The following KIRREL2 variants were observed in gnomAD, a reference collection of about 807,000 sequenced individuals.
The protein encoded by KIRREL2 is kirre like nephrin family adhesion molecule 2.
KIRREL2 carries 56 observed loss-of-function variants against 73.4 expected under a neutral mutation model. The ratio of observed to expected loss-of-function variants is 0.76; its 90% CI spans 0.62 to 0.95. The LOEUF is 0.95. KIRREL2 is among the 40% of genes least tolerant of loss of function. The pLI, the probability that KIRREL2 is intolerant of heterozygous loss-of-function variation, is 0.00. For synonymous variants in KIRREL2, 407 were observed against 404.0 expected (o/e 1.01, Z -0.09); for missense variants, 896 against 935.0 (o/e 0.96, Z 0.54).
upstream of KIRREL2, chr19:35,851,480 C>T (rs959393189): frequency 9.3e-6 from 15 of 1,613,492 alleles, no homozygotes; most frequent in Non-Finnish European, 1.2e-5. Flanking sequence ...CCCTTCCAGG[C>T]GGTACCTCGG....
At chr19:35,864,804 C>A in intron 14 of KIRREL2, 91 bp downstream of exon 14, 1 of 975,878 alleles carries the variant, frequency 1.0e-6, no homozygotes, top group South Asian at 1.5e-5. Context: ...CGCCTGTCCC[C>A]TCCTTTTTCC....
upstream of KIRREL2, among the ~76,000 whole-genome samples, chr19:35,855,601 G>A (rs1388659632): frequency 2.0e-5 from 3 of 147,510 alleles, no homozygotes; most frequent in South Asian, 2.2e-4. Flanking sequence ...CCAAGGACTC[G>A]GGAATTTGGG....
intron 9 of KIRREL2, 60 bp downstream of exon 9, chr19:35,861,314 G>C (rs895459247): frequency 1.7e-5 from 25 of 1,506,072 alleles, no homozygotes; most frequent in Admixed American, 2.3e-5. Flanking sequence ...GCGGACAGAG[G>C]GGGCAAGGGC....
chr19:35,852,521 C>T (rs1190201790), upstream of KIRREL2, among the ~76,000 whole-genome samples: 3 of 152,160 alleles, frequency 2.0e-5, no homozygotes, highest in Non-Finnish European at 4.4e-5. Context: ...CAACCTCCCC[C>T]AGGTACCTTC....
In KIRREL2 at chr19:35,866,170, G is replaced by A. The variant is rs757001182; in HGVS notation, c.1805G>A (p.Gly602Asp). The A allele has an allele frequency of 3.7e-6, 6 of 1,608,510 alleles. No homozygotes were observed. Among genetic ancestry groups the A allele is most frequent in the South Asian group, 1.1e-5 (1 of 90,544 alleles). Residue 602 changes from glycine (G) to aspartate (D), a missense_variant, in exon 15 of 15, where the codon GGT becomes GAT. Gly to Asp is a moderately conservative substitution (Grantham distance 94, BLOSUM62 -1). Coordinates refer to ENST00000360202, the MANE Select transcript of KIRREL2 (RefSeq NM_199180.4). ...GTLETKDPTNGYYKVRGVSVS... is the reference protein window; with the variant it reads ...GTLETKDPTNDYYKVRGVSVS... ...TTGTCCCCTCAGGACCCAACCAACG[G>A]TTACTACAAGGTCCGAGGAGTCAGT...
Position 35,858,524 on chromosome 19 carries a change from C to G in KIRREL2, c.328C>G (p.Leu110Val), listed in dbSNP as rs1212913363. ...SYECQATQAG[L>V]RSRPAQLHVL... ...TGAATGTCAGGCTACACAAGCAGGC[C>G]TCCGCTCCAGACCAGCCCAACTGCA... Residue 110 changes from leucine (L) to valine (V), a missense_variant, in exon 3 of 15, where the codon CTC becomes GTC. By Grantham distance (32) the Leu-to-Val change is conservative. Coordinates refer to ENST00000360202, the MANE Select transcript of KIRREL2 (RefSeq NM_199180.4). The G allele has an allele frequency of 3.7e-6, 6 of 1,614,180 alleles. No individual in the cohort carries two copies. The highest frequency in any genetic ancestry group is 1.6e-4 in the Middle Eastern group (1 of 6,062).
intron 11 of KIRREL2, 108 bp downstream of exon 11, chr19:35,862,132 A>C: frequency 1.1e-6 from 1 of 897,006 alleles, no homozygotes; most frequent in Non-Finnish European, 1.7e-6. Flanking sequence ...TGCAGAGGAG[A>C]CCTCCAAACC....
In KIRREL2 at chr19:35,858,498, A is replaced by C; in HGVS notation, c.302A>C (p.Tyr101Ser). The change falls in exon 3 of 15, where the codon TAT (tyrosine) becomes TCT (serine). Residue 101 changes from tyrosine to serine, a missense_variant. Transcript: ENST00000360202. ...GTGGAGCTAGAGGATGAAGCATCAT[A>C]TGAATGTCAGGCTACACAAGCAGGC... ...RPVELEDEAS[Y>S]ECQATQAGLR... 6.2e-7 allele frequency: 1 copy of C among 1,614,184 alleles called. No individual in the cohort carries two copies. The highest frequency in any genetic ancestry group is 8.5e-7 in the Non-Finnish European group (1 of 1,180,034).
At chr19:35,865,480 C>T (rs1973928840) in intron 14 of KIRREL2, among the ~76,000 whole-genome samples, 2 of 152,168 alleles carry the variant, frequency 1.3e-5, no homozygotes, top group South Asian at 4.1e-4. Context: ...CTGAAACACT[C>T]CTACCTTCCT....
upstream of KIRREL2, chr19:35,856,747 A>G: frequency 2.6e-6 from 1 of 383,182 alleles, no homozygotes; most frequent in Non-Finnish European, 4.9e-6. This position sits in a 1 kb window ranked among gnomAD's most constrained non-coding sequence, Gnocchi z 5.9. Context: ...TCCGGCTCCC[A>G]GACCCCAATT....
Position 35,861,123 on chromosome 19 carries a change from T to G in KIRREL2, c.1058T>G (p.Val353Gly), listed in dbSNP as rs1317603552. The change falls in exon 9 of 15, where the codon GTG (valine) becomes GGG (glycine). Residue 353 changes from valine (V) to glycine (G), a missense_variant and splice_region_variant. Physicochemically the swap from Val to Gly is moderately radical, Grantham distance 109 (BLOSUM62 -3). Coordinates refer to ENST00000360202, the MANE Select transcript of KIRREL2 (RefSeq NM_199180.4). ...TCTGACGCCCCTTCCCTGTCGCAGGTGCTGGGCTCTGGAGCCACACTGCGT... is the reference window on the plus strand; with the variant it reads ...TCTGACGCCCCTTCCCTGTCGCAGGGGCTGGGCTCTGGAGCCACACTGCGT... The part of the protein sequence containing the change: ...VTWTRRGGAQ[V>G]LGSGATLRLP... 2 of 1,606,508 alleles carry G rather than the reference T, an allele frequency of 1.2e-6. No homozygotes were observed. Among genetic ancestry groups the G allele is most frequent in the African/African-American group, 1.3e-5 (1 of 74,620 alleles).
chr19:35,862,396 C>T lies in KIRREL2; in HGVS notation c.1511-97C>T, dbSNP rs570483211. On this transcript the variant is annotated intron_variant, in intron 11 of 14. Coordinates refer to ENST00000360202, the MANE Select transcript of KIRREL2 (RefSeq NM_199180.4). Reference sequence around the variant, plus strand: ...AAGGGCCTTTGAATCTTCAAATGTGCGACCTTTTGAACCCAGGAATCCCAA... The same window carrying T: ...AAGGGCCTTTGAATCTTCAAATGTGTGACCTTTTGAACCCAGGAATCCCAA... 16 of 908,952 alleles carry T rather than the reference C, an allele frequency of 1.8e-5. No homozygotes were observed. In the African/African-American group the frequency reaches 1.8e-4, roughly 10 times the overall value. The allele number at this position is 908,952 out of a possible 1,614,324, so 56.3% of individuals were successfully genotyped here.
upstream of KIRREL2, chr19:35,851,818 A>G: frequency 6.4e-7 from 1 of 1,552,318 alleles, no homozygotes; most frequent in Non-Finnish European, 8.7e-7. Flanking sequence ...AGAAGCCCTG[A>G]GCGTCGTCCC....
rs2146872664 is a variant in KIRREL2 at position 35,862,609 on chromosome 19, A to G, written c.1615+12A>G. On this transcript the variant is annotated intron_variant, in intron 12 of 14. Coordinates refer to ENST00000360202, the MANE Select transcript of KIRREL2 (RefSeq NM_199180.4). ...GCGCCACAGCAAGGGTTAGTGCCTGAGCCCCGCCCCGGCTCCCGAGGCCCC... is the reference window on the plus strand; with the variant it reads ...GCGCCACAGCAAGGGTTAGTGCCTGGGCCCCGCCCCGGCTCCCGAGGCCCC... 6.3e-7 allele frequency: 1 copy of G among 1,588,366 alleles called. No individual in the cohort carries two copies. Among genetic ancestry groups the G allele is most frequent in the Non-Finnish European group, 8.6e-7 (1 of 1,165,120 alleles).
chr19:35,852,887 C>T (rs879685696), upstream of KIRREL2, among the ~76,000 whole-genome samples: 1 of 152,004 alleles, frequency 6.6e-6, no homozygotes, highest in South Asian at 2.1e-4. Context: ...TTGAACCTCC[C>T]AGGTTCAAGT....
chr19:35,861,179 G>GACTGCC lies in KIRREL2; in HGVS notation c.1117_1118insGCCACT (p.Asp372_Tyr373insCysHis). On this transcript the variant is annotated inframe_insertion, in exon 9 of 15. Coordinates refer to ENST00000360202, the MANE Select transcript of KIRREL2 (RefSeq NM_199180.4). Reference sequence around the variant, plus strand: ...GTCGGTGGGGCCCGAGGACGCAGGCGACTATGTGTGCAGAGCTGAGGCTGG... The same window carrying GACTGCC: ...GTCGGTGGGGCCCGAGGACGCAGGCGACTGCCACTATGTGTGCAGAGCTGAGGCTGG... 1.3e-6 allele frequency: 2 copies of GACTGCC among 1,583,034 alleles called. No homozygotes were observed. Among genetic ancestry groups the GACTGCC allele is most frequent in the Non-Finnish European group, 1.7e-6 (2 of 1,167,378 alleles).
At chr19:35,858,172 C>T (rs1973511344) in intron 2 of KIRREL2, among the ~76,000 whole-genome samples, 1 of 152,070 alleles carries the variant, frequency 6.6e-6, no homozygotes, top group Non-Finnish European at 1.5e-5. Flanking sequence ...AGTATCTAAC[C>T]TAATTTTTAT....
upstream of KIRREL2, chr19:35,851,918 G>A (rs73928331): frequency 1.7e-6 from 2 of 1,200,988 alleles, no homozygotes; most frequent in Non-Finnish European, 1.2e-6. Flanking sequence ...GTCCCTCTCT[G>A]TGTGTCTCTG....
upstream of KIRREL2, among the ~76,000 whole-genome samples, chr19:35,854,535 C>G (rs1048185480): frequency 6.6e-6 from 1 of 152,058 alleles, no homozygotes; most frequent in African/African-American, 2.4e-5. Flanking sequence ...GTTGATCAGG[C>G]TGGTCTCGAA....
Sources: allele counts gnomAD v4.1 joint callset (sites outside exome capture counted in the v4.1 genomes callset), GRCh38; gene constraint gnomAD v4.1.1; non-coding constraint Gnocchi (gnomAD v3.1); transcripts MANE v1.5; gene names NCBI Gene and HGNC (gene_info 2026-07-23, HGNC 2026-07-21).